Variants in AOAH observed in about 807,000 individuals in gnomAD.
AOAH encodes the protein acyloxyacyl hydrolase (neutrophil).
Under a neutral mutation model 92.2 loss-of-function variants are expected in AOAH, and 64 were observed. The observed-to-expected ratio is 0.69, with a 90% CI of 0.57 to 0.86. The LOEUF (loss-of-function observed/expected upper bound fraction) is 0.86. AOAH is among the 40% of genes least tolerant of loss of function. The pLI is 0.00. For synonymous variants in AOAH, 263 were observed against 254.5 expected, an observed-to-expected ratio of 1.03 and a Z score of -0.32; for missense variants, 656 against 694.6, an observed-to-expected ratio of 0.94 and a Z score of 0.62.
intron 15 of AOAH, among the ~76,000 whole-genome samples, chr7:36,540,868 T>A (rs1424639835): frequency 6.6e-6 from 1 of 152,234 alleles, no homozygotes; most frequent in South Asian, 2.1e-4. Flanking sequence ...TGATCTCTGA[T>A]GGACAAGTAG....
intron 3 of AOAH, among the ~76,000 whole-genome samples, chr7:36,663,894 T>A (rs988122694): frequency 2.6e-5 from 4 of 152,326 alleles, no homozygotes; most frequent in African/African-American, 4.8e-5. Flanking sequence ...TCAGTTTTTT[T>A]AAATTTTAGC....
chr7:36,515,090 CT>C (rs1473735567), intron 20 of AOAH, among the ~76,000 whole-genome samples: 1 of 149,756 alleles, frequency 6.7e-6, no homozygotes, highest in African/African-American at 2.5e-5. Context: ...CACCACACCC[CT>C]CACAATCCCA....
intron 5 of AOAH, 38 bp from the exon 6 acceptor site, chr7:36,632,144 G>C (rs1426101538): frequency 6.5e-7 from 1 of 1,548,394 alleles, no homozygotes; most frequent in East Asian, 2.3e-5. Context: ...GAGTTGTTTA[G>C]TTTAAGGAGT....
intron 3 of AOAH, among the ~76,000 whole-genome samples, chr7:36,662,688 C>G (rs747994316): frequency 1.2e-4 from 19 of 152,168 alleles, no homozygotes; most frequent in South Asian, 4.1e-4. Flanking sequence ...GCCAACTCAT[C>G]ATGTGATATA....
intron 19 of AOAH, among the ~76,000 whole-genome samples, chr7:36,529,924 T>G (rs1423590353): frequency 6.6e-6 from 1 of 152,236 alleles, no homozygotes; most frequent in Non-Finnish European, 1.5e-5. Context: ...TTGATCACTT[T>G]GCCATGGGCA....
At chr7:36,540,632 A>C in intron 15 of AOAH, 141 bp from the exon 16 acceptor site, 1 of 740,988 alleles carries the variant, frequency 1.3e-6, no homozygotes, top group Non-Finnish European at 2.1e-6. Flanking sequence ...TATTTGCAAA[A>C]TATTCCTGGA....
intron 13 of AOAH, among the ~76,000 whole-genome samples, chr7:36,551,678 AC>A (rs1786272947): frequency 1.3e-5 from 2 of 152,188 alleles, no homozygotes; most frequent in Admixed American, 6.5e-5. Flanking sequence ...CATTCATAAC[AC>A]ATTTTGTTTA....
At chr7:36,706,474 A>C (rs1327274110) in intron 1 of AOAH, among the ~76,000 whole-genome samples, 1 of 151,910 alleles carries the variant, frequency 6.6e-6, no homozygotes, top group Non-Finnish European at 1.5e-5. Context: ...AAAAATTCCT[A>C]AGGGCCCTAG....
At chr7:36,518,626 G>A (rs1583711969) in intron 20 of AOAH, among the ~76,000 whole-genome samples, 1 of 152,204 alleles carries the variant, frequency 6.6e-6, no homozygotes. Context: ...GGGAATGGGT[G>A]CTCTGATTAA....
intron 4 of AOAH, among the ~76,000 whole-genome samples, chr7:36,638,517 C>A (rs998539371): frequency 1.3e-5 from 2 of 150,070 alleles, no homozygotes; most frequent in African/African-American, 2.5e-5. Flanking sequence ...AAAGAGTTAG[C>A]TCATTACTAC....
chr7:36,637,862 A>T lies in AOAH; in HGVS notation c.439T>A (p.Ser147Thr), dbSNP rs1267122680. The part of the protein sequence containing the change: ...LQKARQIVKK[S>T]PILKYSRSGS... ...TGCTTAGTGCTTACCAGAATCGGGG[A>T]CTTCTTGACAATTTGTCTTGCCTTC... Residue 147 changes from serine to threonine, a missense_variant, in exon 5 of 21, where the codon TCC becomes ACC. Ser to Thr is a moderately conservative substitution (Grantham distance 58). Transcript: ENST00000617537. 4 of 1,614,030 alleles carry T rather than the reference A, an allele frequency of 2.5e-6. No individual in the cohort carries two copies. The highest frequency in any genetic ancestry group is 3.4e-6 in the Non-Finnish European group (4 of 1,179,930).
At chr7:36,658,744 C>T (rs1466178974) in intron 4 of AOAH, among the ~76,000 whole-genome samples, 1 of 152,172 alleles carries the variant, frequency 6.6e-6, no homozygotes, top group Non-Finnish European at 1.5e-5. Flanking sequence ...AGCAATAAGG[C>T]TCAGCGTAGG....
intron 13 of AOAH, among the ~76,000 whole-genome samples, chr7:36,554,636 T>G (rs1041708446): frequency 5.9e-5 from 9 of 152,144 alleles, no homozygotes; most frequent in Non-Finnish European, 1.0e-4. Context: ...TTCTTCCATT[T>G]GTTTGTATCC....
intron 3 of AOAH, among the ~76,000 whole-genome samples, chr7:36,665,948 C>T (rs111524832): frequency 1.6e-3 from 237 of 152,054 alleles, no homozygotes; most frequent in African/African-American, 5.6e-3. Flanking sequence ...ATTTGATTTG[C>T]TAATATTTTG....
intron 13 of AOAH, among the ~76,000 whole-genome samples, chr7:36,563,429 ATAATG>A (rs1411519752): frequency 2.4e-3 from 368 of 152,292 alleles, no homozygotes; most frequent in African/African-American, 8.5e-3. Context: ...AGAGGATAGC[ATAATG>A]CTAACCTCAC....
chr7:36,592,054 T>C (rs1448564967), intron 12 of AOAH, among the ~76,000 whole-genome samples: 1 of 152,192 alleles, frequency 6.6e-6, no homozygotes, highest in Non-Finnish European at 1.5e-5. Flanking sequence ...ATAGAGTCAA[T>C]ATGTAAAAAT....
intron 13 of AOAH, among the ~76,000 whole-genome samples, chr7:36,572,355 G>A (rs1299429499): frequency 6.6e-6 from 1 of 151,486 alleles, no homozygotes; most frequent in Admixed American, 6.6e-5. Flanking sequence ...ATAAATAAAT[G>A]AATAAAATAA....
intron 15 of AOAH, among the ~76,000 whole-genome samples, chr7:36,546,447 A>G (rs1562555196): frequency 6.6e-6 from 1 of 152,210 alleles, no homozygotes; most frequent in Non-Finnish European, 1.5e-5. Flanking sequence ...TGGGCACCAC[A>G]GGGACATCCC....
At chr7:36,610,181 G>C (rs995850844) in intron 11 of AOAH, among the ~76,000 whole-genome samples, 1 of 47,814 alleles carries the variant, frequency 2.1e-5, no homozygotes. Flanking sequence ...AAAAAAAAAA[G>C]AATCGGTTTA....
Sources: gnomAD v4.1 joint callset for allele counts (sites outside exome capture counted in the v4.1 genomes callset) on GRCh38, gnomAD v4.1.1 for gene constraint, MANE v1.5 for transcripts, NCBI Gene and HGNC (gene_info 2026-07-23, HGNC 2026-07-21) for gene names.